ZMIZ1: variants seen among roughly 807,000 people sequenced by gnomAD.
The protein encoded by ZMIZ1 is zinc finger MIZ-type containing 1, also known as zinc finger MIZ domain-containing protein 1.
ZMIZ1 carries 17 observed loss-of-function variants against 113.9 expected under a neutral mutation model. The observed-to-expected ratio is 0.15, with a 90% CI of 0.10 to 0.22. The LOEUF is 0.22. Among genes scored for constraint, ZMIZ1 ranks in the 10% least tolerant of loss-of-function variants. The pLI is 1.00. For missense variants in ZMIZ1, 1,059 were observed against 1,477.8 expected (o/e 0.72, Z 4.65); for synonymous variants, 607 against 603.1 (o/e 1.01, Z -0.09).
At position 79,312,787 on chromosome 10, in the gene ZMIZ1, T is replaced by G; in HGVS notation, c.*38T>G. 1 of 1,590,924 alleles carries G rather than the reference T, an allele frequency of 6.3e-7. No homozygotes were observed. The highest frequency in any genetic ancestry group is 8.6e-7 in the Non-Finnish European group (1 of 1,159,204). On this transcript the variant is annotated 3_prime_UTR_variant, in exon 25 of 25. Transcript: ENST00000334512. The stretch of plus-strand genomic sequence containing the variant: ...CGGGGCCATCCCTCCACACTCTGCA[T>G]CCTACCCCACCTACCCAACACACTT...
At chr10:79,265,949 C>T (rs987809873) in intron 7 of ZMIZ1, among the ~76,000 whole-genome samples, 2 of 152,208 alleles carry the variant, frequency 1.3e-5, no homozygotes, top group Non-Finnish European at 2.9e-5. Context: ...ATCTGTAATC[C>T]CTGCTAGCGG....
intron 7 of ZMIZ1, among the ~76,000 whole-genome samples, chr10:79,253,760 A>G (rs1850698149): frequency 6.6e-6 from 1 of 152,190 alleles, no homozygotes; most frequent in Non-Finnish European, 1.5e-5. Context: ...ACTTTGTGAG[A>G]GGCCCCTGAG....
At chr10:79,093,354 G>T (rs1386822671) in intron 1 of ZMIZ1, among the ~76,000 whole-genome samples, 1 of 150,160 alleles carries the variant, frequency 6.7e-6, no homozygotes, top group Non-Finnish European at 1.5e-5. Flanking sequence ...TTGAGACAGA[G>T]TCTCACTCTG....
chr10:79,312,780 C>G lies in ZMIZ1; in HGVS notation c.*31C>G, dbSNP rs368352635. On this transcript the variant is annotated 3_prime_UTR_variant, in exon 25 of 25. Coordinates refer to ENST00000334512, the MANE Select transcript of ZMIZ1 (RefSeq NM_020338.4). Reference sequence around the variant, plus strand: ...ACCCGGTCGGGGCCATCCCTCCACACTCTGCATCCTACCCCACCTACCCAA... The same window carrying G: ...ACCCGGTCGGGGCCATCCCTCCACAGTCTGCATCCTACCCCACCTACCCAA... The G allele has an allele frequency of 3.1e-6, 5 of 1,596,674 alleles. No homozygotes were observed. The highest frequency in any genetic ancestry group is 2.2e-5 in the East Asian group (1 of 44,812).
chr10:79,075,566 C>T (rs1290390539), intron 1 of ZMIZ1, among the ~76,000 whole-genome samples: 2 of 150,272 alleles, frequency 1.3e-5, no homozygotes, highest in East Asian at 1.9e-4. Context: ...GCTGCACACA[C>T]ATGCACACAC....
chr10:79,276,783 C>A lies in ZMIZ1; in HGVS notation c.281-398C>A, dbSNP rs568320554. Among the ~76,000 whole-genome samples, 18 of 152,226 alleles carry A rather than the reference C, an allele frequency of 1.2e-4. 1 individual carries two copies. The South Asian group carries it at 3.7e-3, about 32-fold the overall frequency. ...GGGAGTGAGCTTCCCTGAGGGGGATCTGGGGTGGTGGGCAGCTGCTAAGCT... is the reference window on the plus strand; with the variant it reads ...GGGAGTGAGCTTCCCTGAGGGGGATATGGGGTGGTGGGCAGCTGCTAAGCT... On this transcript the variant is annotated intron_variant, in intron 7 of 24. Transcript: ENST00000334512.
At chr10:79,209,770 C>G (rs1048755005) in intron 6 of ZMIZ1, among the ~76,000 whole-genome samples, 1 of 152,268 alleles carries the variant, frequency 6.6e-6, no homozygotes, top group African/African-American at 2.4e-5. Flanking sequence ...AACCCTCCCC[C>G]ACATTTTACA....
At chr10:79,211,994 G>C (rs1005525187) in intron 6 of ZMIZ1, among the ~76,000 whole-genome samples, 8 of 152,192 alleles carry the variant, frequency 5.3e-5, no homozygotes, top group African/African-American at 1.9e-4. Flanking sequence ...CCCGCCCCCT[G>C]CCAGTAATGG....
At chr10:79,088,356 G>T (rs377672691) in intron 1 of ZMIZ1, among the ~76,000 whole-genome samples, 2 of 152,346 alleles carry the variant, frequency 1.3e-5, no homozygotes. Context: ...CCAGGGGCTG[G>T]GGCCTCATAT....
chr10:79,300,688 G>A (rs769135401), intron 16 of ZMIZ1, 44 bp from the exon 17 acceptor site: 12 of 1,582,454 alleles, frequency 7.6e-6, no homozygotes, highest in South Asian at 3.5e-5. Context: ...GCCATGGACA[G>A]CCCCCTGGCA....
intron 6 of ZMIZ1, among the ~76,000 whole-genome samples, chr10:79,212,385 G>T (rs1268294167): frequency 1.3e-5 from 2 of 151,744 alleles, no homozygotes; most frequent in African/African-American, 4.8e-5. Flanking sequence ...TGCCCAGGAT[G>T]GTCTCAAACT....
intron 7 of ZMIZ1, among the ~76,000 whole-genome samples, chr10:79,224,625 G>T (rs947581023): frequency 6.6e-6 from 1 of 152,204 alleles, no homozygotes; most frequent in Non-Finnish European, 1.5e-5. Flanking sequence ...TGTCACCAGG[G>T]CCCTCAGCAG....
chr10:79,299,842 A>C (rs1412654314), intron 16 of ZMIZ1, among the ~76,000 whole-genome samples: 1 of 152,198 alleles, frequency 6.6e-6, no homozygotes, highest in Non-Finnish European at 1.5e-5. Context: ...CGGAGCTGAG[A>C]CTTGGGCCCA....
intron 1 of ZMIZ1, among the ~76,000 whole-genome samples, chr10:79,095,584 G>A (rs1479254461): frequency 6.6e-6 from 1 of 152,202 alleles, no homozygotes; most frequent in African/African-American, 2.4e-5. Flanking sequence ...ACTGCTCTGA[G>A]TGCAGATCTA....
chr10:79,275,836 A>G (rs942090937), intron 7 of ZMIZ1, among the ~76,000 whole-genome samples: 2 of 151,906 alleles, frequency 1.3e-5, no homozygotes, highest in Non-Finnish European at 2.9e-5. Flanking sequence ...GCCCCCGTCT[A>G]CTCATCTGTA....
intron 7 of ZMIZ1, among the ~76,000 whole-genome samples, chr10:79,248,129 C>T (rs1011602072): frequency 9.9e-5 from 15 of 152,090 alleles, no homozygotes; most frequent in African/African-American, 3.1e-4. Context: ...GGGTGCAGCA[C>T]GGCAAGAGAG....
chr10:79,166,914 G>A (rs926208379), intron 4 of ZMIZ1, among the ~76,000 whole-genome samples: 9 of 152,252 alleles, frequency 5.9e-5, no homozygotes, highest in Non-Finnish European at 1.2e-4. Context: ...ACTCAGCCTG[G>A]CATTCAAAGT....
chr10:79,241,717 G>A lies in ZMIZ1; in HGVS notation c.280+25443G>A, dbSNP rs560955884. Among the ~76,000 whole-genome samples the A allele has an allele frequency of 2.3e-3, 350 of 152,272 alleles. 2 individuals are homozygous for A. The highest frequency in any genetic ancestry group is 0.01 in the Middle Eastern group (3 of 294). ...CTGCTAACGATTTATGTCAAACAAG[G>A]AGCAAGAACATTATTTCTAGATAAG... is the stretch of plus-strand genomic sequence containing the variant. On this transcript the variant is annotated intron_variant, in intron 7 of 24. Transcript: ENST00000334512.
chr10:79,297,630 A>G lies in ZMIZ1; in HGVS notation c.1431A>G (p.Gly477=). The part of the protein sequence containing the change: ...GQYYKPEQFN[G]QNNTFSGSSY... ...TTTAATAGCCAGAACAGTTTAATGG[A>G]CAAAATAACACGTTCTCGGGAAGCA... The change falls in exon 14 of 25, where the codon GGA becomes GGG. Residue 477 remains glycine, a synonymous_variant. Coordinates refer to ENST00000334512, the MANE Select transcript of ZMIZ1 (RefSeq NM_020338.4). The G allele has an allele frequency of 6.2e-7, 1 of 1,614,098 alleles. No homozygotes were observed. Among genetic ancestry groups the G allele is most frequent in the East Asian group, 2.2e-5 (1 of 44,882 alleles).
Sources: gnomAD v4.1 joint callset for allele counts (sites outside exome capture counted in the v4.1 genomes callset) on GRCh38, gnomAD v4.1.1 for gene constraint, MANE v1.5 for transcripts, NCBI Gene and HGNC (gene_info 2026-07-23, HGNC 2026-07-21) for gene names.